CNBD1: variants seen among roughly 807,000 people sequenced by gnomAD.
CNBD1 encodes the protein cyclic nucleotide-binding domain-containing protein 1.
A neutral mutation model predicts 54.4 loss-of-function variants in CNBD1; 71 were observed. That is an observed-to-expected ratio of 1.30 (90% confidence interval 1.08 to 1.59). The LOEUF (loss-of-function observed/expected upper bound fraction) is 1.59. CNBD1 is among the 40% of genes most tolerant of loss of function. CNBD1 has a pLI of 0.00. For synonymous variants in CNBD1, 182 were observed against 170.7 expected (o/e 1.07, Z -0.51); for missense variants, 659 against 518.0 (o/e 1.27, Z -2.64).
At chr8:87,331,235 C>T (rs548061704) in intron 8 of CNBD1, among the ~76,000 whole-genome samples, 1 of 152,122 alleles carries the variant, frequency 6.6e-6, no homozygotes, top group Non-Finnish European at 1.5e-5. Context: ...CTGACAGGTC[C>T]AGGTGTGTGT....
At chr8:86,954,354 A>G (rs1379831586) in intron 4 of CNBD1, among the ~76,000 whole-genome samples, 1 of 152,228 alleles carries the variant, frequency 6.6e-6, no homozygotes, top group African/African-American at 2.4e-5. Flanking sequence ...GTTAAAGAGC[A>G]TATTAGTTCC....
At chr8:87,419,541 T>C (rs1807893517) in intron 2 of CNBD1, among the ~76,000 whole-genome samples, 1 of 151,916 alleles carries the variant, frequency 6.6e-6, no homozygotes, top group South Asian at 2.1e-4. Flanking sequence ...AAAACTCATT[T>C]CAAAAAATTT....
intron 2 of CNBD1, among the ~76,000 whole-genome samples, chr8:86,902,366 C>G (rs139161653): frequency 5.9e-5 from 9 of 152,106 alleles, no homozygotes; most frequent in African/African-American, 2.2e-4. Flanking sequence ...CATGAGAGTA[C>G]AGATCTCTGA....
At chr8:87,233,210 G>C (rs1461301455) in intron 5 of CNBD1, among the ~76,000 whole-genome samples, 2 of 152,132 alleles carry the variant, frequency 1.3e-5, no homozygotes, top group Non-Finnish European at 2.9e-5. Context: ...AGGAGTATAT[G>C]ATTCTCCCAT....
chr8:87,105,305 A>T (rs948481089), intron 4 of CNBD1, among the ~76,000 whole-genome samples: 6 of 152,220 alleles, frequency 3.9e-5, no homozygotes, highest in African/African-American at 1.4e-4. Context: ...GTCATGTGAA[A>T]CTTCTCTTAA....
At chr8:87,407,795 CT>C (rs1661068571) in intron 2 of CNBD1, among the ~76,000 whole-genome samples, 1 of 151,814 alleles carries the variant, frequency 6.6e-6, no homozygotes, top group Non-Finnish European at 1.5e-5. Context: ...TATGGATATC[CT>C]CTTGAATAAG....
intron 2 of CNBD1, among the ~76,000 whole-genome samples, chr8:86,890,267 T>C (rs1808748725): frequency 6.6e-6 from 1 of 152,124 alleles, no homozygotes; most frequent in Non-Finnish European, 1.5e-5. Context: ...ACCTGGCTCC[T>C]AGTAACCACC....
At chr8:87,133,556 G>A (rs1016024323) in intron 4 of CNBD1, among the ~76,000 whole-genome samples, 1 of 152,118 alleles carries the variant, frequency 6.6e-6, no homozygotes, top group Admixed American at 6.5e-5. Context: ...CTCCTGGGTT[G>A]TTCCCTTCAC....
At chr8:86,983,225 G>A (rs1488166240) in intron 4 of CNBD1, among the ~76,000 whole-genome samples, 1 of 152,090 alleles carries the variant, frequency 6.6e-6, no homozygotes, top group East Asian at 1.9e-4. Context: ...TTAAAAAGGG[G>A]AGTTTCCCTG....
chr8:87,381,120 A>G (rs978653779), intron 10 of CNBD1, among the ~76,000 whole-genome samples: 4 of 152,036 alleles, frequency 2.6e-5, no homozygotes, highest in Admixed American at 2.0e-4. Context: ...GGGAGAAAAT[A>G]TTTGCAAACC....
intron 8 of CNBD1, among the ~76,000 whole-genome samples, chr8:87,341,277 T>C (rs1362737697): frequency 6.6e-6 from 1 of 152,088 alleles, no homozygotes; most frequent in Admixed American, 6.5e-5. Context: ...CACCCAGATA[T>C]CTAGAGTATG....
chr8:87,226,663 A>T (rs1418350701), intron 5 of CNBD1, among the ~76,000 whole-genome samples: 14 of 151,924 alleles, frequency 9.2e-5, no homozygotes, highest in Admixed American at 7.2e-4. Context: ...ACTTCCAACT[A>T]TGTGGTCAAT....
chr8:86,945,925 A>T (rs1046819933), intron 4 of CNBD1, among the ~76,000 whole-genome samples: 1 of 152,328 alleles, frequency 6.6e-6, no homozygotes, highest in African/African-American at 2.4e-5. Context: ...ACATGTTGCA[A>T]AATGCCTGGC....
At chr8:87,274,044 G>A (rs558984447) in intron 6 of CNBD1, among the ~76,000 whole-genome samples, 260 of 151,484 alleles carry the variant, frequency 1.7e-3, no homozygotes, top group Admixed American at 6.4e-3. Context: ...TCTTGCGATA[G>A]TTTACTGAGA....
chr8:86,949,959 T>TTTTG lies in CNBD1; in HGVS notation c.431+10208_431+10209insGTTT, dbSNP rs1563833530. ...ACTTCATCAAATGCTTTTTTTTTTT[T>TTTTG]TTTTTTTTTTTTTTTGAGATGGAGT... On this transcript the variant is annotated intron_variant, in intron 4 of 10. Transcript: ENST00000518476. Among the ~76,000 whole-genome samples, 21 of 128,964 alleles carry TTTTG rather than the reference T, an allele frequency of 1.6e-4. 1 individual carries two copies. Among genetic ancestry groups the TTTTG allele is most frequent in the African/African-American group, 6.3e-4 (21 of 33,136 alleles). The allele number at this position is 128,964 out of a possible 152,430, so 84.6% of individuals were successfully genotyped here.
intron 8 of CNBD1, among the ~76,000 whole-genome samples, chr8:87,288,322 T>C (rs1009279138): frequency 1.3e-5 from 2 of 152,086 alleles, no homozygotes; most frequent in African/African-American, 2.4e-5. Flanking sequence ...TTGTCACAGG[T>C]TTCCCACTTT....
intron 6 of CNBD1, among the ~76,000 whole-genome samples, chr8:87,276,452 G>T (rs775233378): frequency 7.9e-5 from 12 of 151,760 alleles, no homozygotes; most frequent in Non-Finnish European, 1.3e-4. Context: ...CTGGTTGCTT[G>T]TTCTGAATAA....
intron 1 of CNBD1, among the ~76,000 whole-genome samples, chr8:86,878,236 C>G (rs529138088): frequency 4.0e-5 from 6 of 151,816 alleles, no homozygotes; most frequent in Non-Finnish European, 8.8e-5. Context: ...TCATTTTTAC[C>G]TTTTCCCTTA....
intron 4 of CNBD1, among the ~76,000 whole-genome samples, chr8:87,155,526 T>G (rs1001304909): frequency 1.3e-5 from 2 of 152,164 alleles, no homozygotes; most frequent in Non-Finnish European, 2.9e-5. Flanking sequence ...CATAGGAGGT[T>G]GAATGAACAG....
Sources: allele counts gnomAD v4.1 joint callset (sites outside exome capture counted in the v4.1 genomes callset), GRCh38; gene constraint gnomAD v4.1.1; transcripts MANE v1.5; gene names NCBI Gene and HGNC (gene_info 2026-07-23, HGNC 2026-07-21).